LAMA2: variants seen among roughly 807,000 people sequenced by gnomAD.
LAMA2 encodes the protein laminin subunit alpha-2.
Under a neutral mutation model 364.8 loss-of-function variants are expected in LAMA2, and 269 were observed. That is an observed-to-expected ratio of 0.74 (90% CI 0.67 to 0.82). LAMA2 has a LOEUF of 0.82. Among genes scored for constraint, LAMA2 ranks in the 40% least tolerant of loss-of-function variants. LAMA2 has a pLI of 0.00. For missense variants in LAMA2, 3,807 were observed against 3,873.2 expected (o/e 0.98, Z 0.45); for synonymous variants, 1,379 against 1,370.6 (o/e 1.01, Z -0.14).
chr6:128,948,490 A>G (rs1376086973), intron 1 of LAMA2, among the ~76,000 whole-genome samples: 6 of 152,156 alleles, frequency 3.9e-5, no homozygotes, highest in South Asian at 2.1e-4. Flanking sequence ...CACACAAAAA[A>G]CACACACTAT....
intron 1 of LAMA2, among the ~76,000 whole-genome samples, chr6:128,922,841 G>A (rs1480909208): frequency 2.6e-5 from 4 of 152,050 alleles, no homozygotes; most frequent in Admixed American, 6.6e-5. Flanking sequence ...TATGGTTTTA[G>A]GTCTAACGTT....
At chr6:129,460,855 T>C (rs11154482) in intron 49 of LAMA2, among the ~76,000 whole-genome samples, 66,277 of 151,420 alleles carry the variant, frequency 0.44, 14,659 homozygotes, top group South Asian at 0.47. Context: ...CCTATGGGAT[T>C]TAATGATTCT....
chr6:129,046,521 C>T (rs1436858998), intron 1 of LAMA2, among the ~76,000 whole-genome samples: 1 of 152,160 alleles, frequency 6.6e-6, no homozygotes, highest in African/African-American at 2.4e-5. Context: ...AACCTGCCCT[C>T]ATGATTCAAA....
chr6:129,396,221 C>A (rs1345411218), intron 37 of LAMA2, among the ~76,000 whole-genome samples: 1 of 152,070 alleles, frequency 6.6e-6, no homozygotes, highest in South Asian at 2.1e-4. Context: ...CTGTTGGTAA[C>A]CAGGGTATTT....
chr6:129,430,498 C>A (rs1781535772), intron 41 of LAMA2, among the ~76,000 whole-genome samples: 1 of 152,092 alleles, frequency 6.6e-6, no homozygotes, highest in Admixed American at 6.6e-5. Context: ...AGTAAATTTG[C>A]CCTTGTGTGA....
In LAMA2 at chr6:129,144,042, A is replaced by G. The variant is rs781316719; in HGVS notation, c.781A>G (p.Lys261Glu). ...TGCTGACTTGATGATGTTTGCTCAC[A>G]AAGACCCAAGAGAAATTGACCCCAT... The part of the protein sequence containing the change: ...LNADLMMFAH[K>E]DPREIDPIVT... Residue 261 changes from lysine to glutamate, a missense_variant, in exon 5 of 65, where the codon AAA (lysine) becomes GAA (glutamate). This residue lies in a region of LAMA2 where 394 missense variants were observed against 403.5 expected (regional missense o/e 0.98). Coordinates refer to ENST00000421865, the MANE Select transcript of LAMA2 (RefSeq NM_000426.4). 6 of 1,612,654 alleles carry G rather than the reference A, an allele frequency of 3.7e-6. No homozygotes were observed. The highest frequency in any genetic ancestry group is 3.3e-4 in the Middle Eastern group (2 of 6,050).
In LAMA2 at chr6:129,342,351, A is replaced by G. The variant is rs1406662340; in HGVS notation, c.4320A>G (p.Gln1440=). The G allele has an allele frequency of 6.2e-7, 1 of 1,613,128 alleles. No homozygotes were observed. The highest frequency in any genetic ancestry group is 8.5e-7 in the Non-Finnish European group (1 of 1,179,264). Reference sequence around the variant, plus strand: ...TCCCTTTTCCTTTACAGAATTGTCAACATCACACTGCTGGTGACTTCTGTG... The same window carrying G: ...TCCCTTTTCCTTTACAGAATTGTCAGCATCACACTGCTGGTGACTTCTGTG... ...DPETSICQNC[Q]HHTAGDFCER... The change falls in exon 30 of 65, where the codon CAA becomes CAG. Residue 1440 remains glutamine, a synonymous_variant. Coordinates refer to ENST00000421865, the MANE Select transcript of LAMA2 (RefSeq NM_000426.4).
In LAMA2 at chr6:129,366,367, T is replaced by C; in HGVS notation, c.4860+6T>C. ...ATATGACTCAGGAGCTAAAGGTAGG[T>C]TGGTGCAGTCACAAGCAAGGGCCAG... On this transcript the variant is annotated splice_donor_region_variant and intron_variant, in intron 33 of 64. Coordinates refer to ENST00000421865, the MANE Select transcript of LAMA2 (RefSeq NM_000426.4). 1 of 1,613,174 alleles carries C rather than the reference T, an allele frequency of 6.2e-7. No homozygotes were observed. Among genetic ancestry groups the C allele is most frequent in the South Asian group, 1.1e-5 (1 of 91,006 alleles).
chr6:129,237,419 C>T (rs1320954754), intron 12 of LAMA2, among the ~76,000 whole-genome samples: 4 of 151,516 alleles, frequency 2.6e-5, no homozygotes, highest in Admixed American at 6.6e-5. Context: ...TCACTGCAAC[C>T]TCCACCTCCC....
chr6:129,134,930 T>G (rs952870483), intron 4 of LAMA2, among the ~76,000 whole-genome samples: 1 of 152,172 alleles, frequency 6.6e-6, no homozygotes, highest in African/African-American at 2.4e-5. Flanking sequence ...GAGGTGATAT[T>G]GGGTCTGGAA....
chr6:129,167,610 C>A (rs549603317), intron 9 of LAMA2, among the ~76,000 whole-genome samples: 1 of 151,920 alleles, frequency 6.6e-6, no homozygotes, highest in Non-Finnish European at 1.5e-5. Flanking sequence ...TGGATAATGC[C>A]GCAATAAACA....
intron 1 of LAMA2, among the ~76,000 whole-genome samples, chr6:128,892,584 T>A (rs971822593): frequency 2.6e-5 from 4 of 151,998 alleles, no homozygotes. Flanking sequence ...TTCATTGACA[T>A]CTGCTTGGGT....
intron 4 of LAMA2, among the ~76,000 whole-genome samples, chr6:129,139,677 T>C (rs950138938): frequency 6.6e-6 from 1 of 152,064 alleles, no homozygotes; most frequent in Non-Finnish European, 1.5e-5. Flanking sequence ...AGATTAGGCT[T>C]GTTTTTGTTA....
chr6:128,918,099 G>C (rs1249859522), intron 1 of LAMA2, among the ~76,000 whole-genome samples: 1 of 152,032 alleles, frequency 6.6e-6, no homozygotes, highest in Non-Finnish European at 1.5e-5. Flanking sequence ...TTATAAAGTG[G>C]TATGGGTTAA....
intron 29 of LAMA2, among the ~76,000 whole-genome samples, chr6:129,339,491 A>C (rs991203711): frequency 1.3e-5 from 2 of 152,248 alleles, no homozygotes; most frequent in Non-Finnish European, 2.9e-5. Context: ...AGAGATATCC[A>C]GGCTGAATAC....
At chr6:129,485,645 G>A (rs1175122278) in intron 55 of LAMA2, among the ~76,000 whole-genome samples, 2 of 152,186 alleles carry the variant, frequency 1.3e-5, no homozygotes, top group Non-Finnish European at 2.9e-5. Flanking sequence ...TGAGTAGTTT[G>A]TGTTTTCCCT....
intron 28 of LAMA2, among the ~76,000 whole-genome samples, chr6:129,321,815 G>A (rs1774986122): frequency 6.6e-6 from 1 of 152,110 alleles, no homozygotes; most frequent in African/African-American, 2.4e-5. Context: ...GATTCCACTA[G>A]GTCAAAACTG....
At chr6:129,498,295 T>C (rs950205006) in intron 58 of LAMA2, among the ~76,000 whole-genome samples, 10 of 152,216 alleles carry the variant, frequency 6.6e-5, no homozygotes, top group African/African-American at 2.4e-4. Context: ...AAGGAAAGAA[T>C]AGAGGAAAGG....
At chr6:129,267,836 A>C (rs192424362) in intron 16 of LAMA2, among the ~76,000 whole-genome samples, 485 of 152,298 alleles carry the variant, frequency 3.2e-3, no homozygotes, top group Middle Eastern at 6.8e-3. Context: ...TCCTGCTAAG[A>C]AACCTTAGGA....
Sources: allele counts gnomAD v4.1 joint callset (sites outside exome capture counted in the v4.1 genomes callset), GRCh38; gene constraint gnomAD v4.1.1; regional missense constraint gnomAD v4.1.1; transcripts MANE v1.5; gene names NCBI Gene and HGNC (gene_info 2026-07-23, HGNC 2026-07-21).